ERI2: variants seen among roughly 807,000 people sequenced by gnomAD.
ERI2 encodes ERI1 exoribonuclease 2.
Under a neutral mutation model 46.8 loss-of-function variants are expected in ERI2, and 35 were observed. The observed-to-expected ratio is 0.75, with a 90% confidence interval of 0.57 to 0.99. The LOEUF (loss-of-function observed/expected upper bound fraction) is 0.99. Ranked by LOEUF, ERI2 falls within the 50% of genes least tolerant of loss-of-function variation. ERI2 has a pLI of 0.00. For synonymous variants in ERI2, 224 were observed against 271.0 expected (o/e 0.83, Z 1.70); for missense variants, 695 against 796.2 (o/e 0.87, Z 1.53).
At chr16:20,805,840 A>C (rs1437477959) in intron 1 of ERI2, 1 of 475,648 alleles carries the variant, frequency 2.1e-6, no homozygotes, top group African/African-American at 2.1e-5. Context: ...GTTCCAGCCA[A>C]AGGAAACCGG....
chr16:20,794,992 TTGAA>T (rs2080690070), downstream of ERI2, among the ~76,000 whole-genome samples: 1 of 152,220 alleles, frequency 6.6e-6, no homozygotes, highest in Non-Finnish European at 1.5e-5. Context: ...TAATTTACCT[TTGAA>T]TGACTCACTT....
intron 5 of ERI2, 114 bp downstream of exon 5, chr16:20,801,089 G>T: frequency 7.0e-6 from 7 of 999,956 alleles, no homozygotes; most frequent in South Asian, 3.2e-5. Context: ...TTTTTTCCTA[G>T]CCCAGAAGAT....
chr16:20,800,384 C>T lies in ERI2; in HGVS notation c.479G>A (p.Cys160Tyr). ...VTWSDWDLGV[C>Y]LEYECKRKQL... is the part of the protein sequence containing the mutation. Reference sequence around the variant, plus strand: ...CTTTCTTTTACACTCATACTCCAGGCAAACCCCCAAGTCCCAGTCTGCATT... The same window carrying T: ...CTTTCTTTTACACTCATACTCCAGGTAAACCCCCAAGTCCCAGTCTGCATT... The change falls in exon 6 of 9, where the codon TGC becomes TAC. Residue 160 changes from cysteine to tyrosine, a missense_variant. By Grantham distance (194) the Cys-to-Tyr change is radical. Transcript: ENST00000357967. 1 of 1,607,564 alleles carries T rather than the reference C, an allele frequency of 6.2e-7. No homozygotes were observed. Among genetic ancestry groups the T allele is most frequent in the East Asian group, 2.2e-5 (1 of 44,738 alleles).
intron 1 of ERI2, chr16:20,806,117 T>C: frequency 2.3e-6 from 3 of 1,327,078 alleles, no homozygotes; most frequent in Non-Finnish European, 2.9e-6. Context: ...CGTCCAGTCG[T>C]TTCCCAAGGC....
chr16:20,789,070 C>T (rs548828773), intron 10 of ERI2, among the ~76,000 whole-genome samples: 21 of 152,156 alleles, frequency 1.4e-4, no homozygotes, highest in Non-Finnish European at 2.6e-4. Context: ...TACTTAGAAA[C>T]AGCTAAAAGT....
At chr16:20,784,816 A>T (rs980392677) in intron 10 of ERI2, among the ~76,000 whole-genome samples, 3 of 152,096 alleles carry the variant, frequency 2.0e-5, no homozygotes, top group Non-Finnish European at 4.4e-5. Context: ...TTGTGTAGGT[A>T]CTTAGTAGTT....
intron 10 of ERI2, chr16:20,786,141 C>T (rs2080470120): frequency 6.2e-7 from 1 of 1,609,866 alleles, no homozygotes; most frequent in African/African-American, 1.3e-5. Flanking sequence ...AAAACCTTCT[C>T]CTGCTTTCGA....
At chr16:20,784,862 C>T in intron 10 of ERI2, 1 of 1,042,520 alleles carries the variant, frequency 9.6e-7, no homozygotes, top group Non-Finnish European at 1.3e-6. Context: ...TTGTTTTGTG[C>T]TAGGGAGAGG....
At chr16:20,782,235 T>TTTTTG (rs1300580247) in intron 10 of ERI2, among the ~76,000 whole-genome samples, 1 of 152,170 alleles carries the variant, frequency 6.6e-6, no homozygotes, top group Non-Finnish European at 1.5e-5. Context: ...TTTGTTTTTG[T>TTTTTG]TTTTGTTTTG....
intron 10 of ERI2, chr16:20,789,392 C>A: frequency 1.0e-6 from 1 of 968,438 alleles, no homozygotes; most frequent in South Asian, 1.4e-5. Flanking sequence ...GTATTAAGTA[C>A]TTAATAAATG....
downstream of ERI2, among the ~76,000 whole-genome samples, chr16:20,791,385 A>G (rs573595360): frequency 6.6e-6 from 1 of 152,244 alleles, no homozygotes; most frequent in South Asian, 2.1e-4. Flanking sequence ...TACCAGCATT[A>G]TCTATTAATC....
In ERI2 at chr16:20,790,701, C is replaced by T; in HGVS notation, c.815+149G>A. The T allele has an allele frequency of 6.2e-7, 1 of 1,613,990 alleles. No individual in the cohort carries two copies. Among genetic ancestry groups the T allele is most frequent in the Non-Finnish European group, 8.5e-7 (1 of 1,179,936 alleles). On this transcript the variant is annotated intron_variant, in intron 9 of 10. Coordinates refer to the ERI2 transcript ENST00000300005. The surrounding 1 kb of genome is among the most constrained non-coding windows in gnomAD (Gnocchi z 4.0). The stretch of plus-strand genomic sequence containing the variant: ...TACTCATTACGTAGTAAGTGACTTA[C>T]TAAATAATCTCATTTTCTATTTATT...
In ERI2 at chr16:20,799,273, G is replaced by A. The variant is rs773935449; in HGVS notation, c.722C>T (p.Ser241Leu). ...CAAGACACTACTAACCTTGTTCAAC[G>A]ACCTTGTAATTTTCATTACACAACC... ...RDGCVMKITR[S>L]LNKVPTKKNF... The change falls in exon 8 of 9, where the codon TCG becomes TTG. Residue 241 changes from serine (S) to leucine (L), a missense_variant. Physicochemically the swap from Ser to Leu is moderately radical, Grantham distance 145. Coordinates refer to ENST00000357967, the MANE Select transcript of ERI2 (RefSeq NM_001142725.2). The A allele has an allele frequency of 8.1e-6, 13 of 1,613,324 alleles. No individual in the cohort carries two copies. The highest frequency in any genetic ancestry group is 1.3e-5 in the African/African-American group (1 of 74,868).
chr16:20,799,933 A>C (rs768302176), intron 7 of ERI2, 24 bp downstream of exon 7: 2 of 1,405,800 alleles, frequency 1.4e-6, no homozygotes, highest in Admixed American at 3.8e-5. Flanking sequence ...CAAATGGCTT[A>C]CATAATTTTT....
chr16:20,801,834 C>G (rs935839415), intron 4 of ERI2, among the ~76,000 whole-genome samples: 2 of 152,062 alleles, frequency 1.3e-5, no homozygotes, highest in Non-Finnish European at 2.9e-5. Context: ...TCTCAGCTCA[C>G]TGCAACCTCC....
chr16:20,789,446 G>A (rs1370061881), intron 10 of ERI2: 6 of 1,464,874 alleles, frequency 4.1e-6, no homozygotes, highest in Non-Finnish European at 4.8e-6. Context: ...GGATTGGAGA[G>A]AGGGTAAGAG....
At chr16:20,783,341 C>T (rs1048881594) in intron 10 of ERI2, 2 of 152,156 alleles carry the variant, frequency 1.3e-5, no homozygotes, top group Non-Finnish European at 2.9e-5. Context: ...GGTTGAGTAT[C>T]CCTTATCCAA....
rs2080812736 is a variant in ERI2 at position 20,803,050 on chromosome 16, G to A, written c.176-127C>T. On this transcript the variant is annotated intron_variant, in intron 3 of 8. Coordinates refer to ENST00000357967, the MANE Select transcript of ERI2 (RefSeq NM_001142725.2). ...GTTTTCAGTAAAAGCATACTAAAAT[G>A]ACCAAAGCAGTGTGACATAAAGGTT... The A allele has an allele frequency of 4.1e-6, 4 of 970,458 alleles. No individual in the cohort carries two copies. In the Admixed American group the frequency reaches 1.2e-4, roughly 29 times the overall value. The allele number at this position is 970,458 out of a possible 1,614,324, so 60.1% of individuals were successfully genotyped here.
downstream of ERI2, chr16:20,792,241 G>A (rs1267372126): frequency 8.1e-6 from 13 of 1,613,904 alleles, no homozygotes; most frequent in African/African-American, 1.3e-5. Context: ...TCTAGCTATC[G>A]AATTGGACCA....
Sources: gnomAD v4.1 joint callset for allele counts (sites outside exome capture counted in the v4.1 genomes callset) on GRCh38, gnomAD v4.1.1 for gene constraint, Gnocchi (gnomAD v3.1) non-coding constraint, MANE v1.5 for transcripts, NCBI Gene and HGNC (gene_info 2026-07-23, HGNC 2026-07-21) for gene names.